The following BTBD9 variants were observed in gnomAD, a reference collection of about 807,000 sequenced individuals.
BTBD9 encodes the protein BTB domain containing 9.
BTBD9 carries 49 observed loss-of-function variants against 64.3 expected under a neutral mutation model. The observed-to-expected ratio is 0.76, with a 90% confidence interval of 0.61 to 0.97. The LOEUF is 0.97. Ranked by LOEUF, BTBD9 falls within the 50% of genes least tolerant of loss-of-function variation. The pLI is 0.00. For missense variants in BTBD9, 598 were observed against 762.1 expected (o/e 0.78, Z 2.53); for synonymous variants, 260 against 274.7 (o/e 0.95, Z 0.53).
intron 6 of BTBD9, among the ~76,000 whole-genome samples, chr6:38,446,745 G>C (rs1183379793): frequency 6.6e-6 from 1 of 152,134 alleles, no homozygotes; most frequent in Non-Finnish European, 1.5e-5. Context: ...GGAAATTAAG[G>C]CTTAAACAAG....
intron 6 of BTBD9, among the ~76,000 whole-genome samples, chr6:38,522,934 G>A (rs1024683245): frequency 1.6e-4 from 25 of 152,292 alleles, no homozygotes; most frequent in Non-Finnish European, 3.2e-4. Flanking sequence ...TGTAATCCCA[G>A]CACTTTGGGA....
chr6:38,383,243 C>T (rs1766012812), intron 6 of BTBD9, among the ~76,000 whole-genome samples: 1 of 152,150 alleles, frequency 6.6e-6, no homozygotes, highest in Admixed American at 6.5e-5. Flanking sequence ...CACACATTAA[C>T]TTTAAATGAG....
intron 6 of BTBD9, among the ~76,000 whole-genome samples, chr6:38,408,691 A>T (rs1053742817): frequency 6.6e-6 from 1 of 152,238 alleles, no homozygotes; most frequent in South Asian, 2.1e-4. Flanking sequence ...TGTAGAATCA[A>T]CAAAAAAAGA....
At chr6:38,178,310 G>A (rs1433491765) in intron 10 of BTBD9, among the ~76,000 whole-genome samples, 1 of 152,174 alleles carries the variant, frequency 6.6e-6, no homozygotes, top group Admixed American at 6.5e-5. Context: ...CAGGTGGGGA[G>A]GGAACAGCCT....
intron 6 of BTBD9, among the ~76,000 whole-genome samples, chr6:38,529,148 C>T (rs1773660030): frequency 1.3e-5 from 2 of 152,194 alleles, no homozygotes. Context: ...CATAGCCAGG[C>T]AGTGGTCACT....
At chr6:38,269,187 T>C (rs1765118326) in intron 8 of BTBD9, among the ~76,000 whole-genome samples, 1 of 152,134 alleles carries the variant, frequency 6.6e-6, no homozygotes, top group Admixed American at 6.5e-5. Flanking sequence ...AAAGAGAACA[T>C]TAATGAGAAA....
intron 7 of BTBD9, among the ~76,000 whole-genome samples, chr6:38,302,485 G>GTATGTGTGTGTGTGTGTATATA (rs1384155514): frequency 5.6e-5 from 6 of 106,906 alleles, no homozygotes; most frequent in African/African-American, 2.1e-4. Context: ...TTGTGTGTAT[G>GTATGTGTGTGTGTGTGTATATA]TATATATATA....
chr6:38,400,613 C>G (rs562190541), intron 6 of BTBD9, among the ~76,000 whole-genome samples: 1 of 152,074 alleles, frequency 6.6e-6, no homozygotes, highest in Admixed American at 6.5e-5. Flanking sequence ...TTCTTTTGCA[C>G]CCTTATCCTT....
intron 6 of BTBD9, among the ~76,000 whole-genome samples, chr6:38,425,185 A>C (rs1201644391): frequency 6.7e-6 from 1 of 149,546 alleles, no homozygotes; most frequent in African/African-American, 2.5e-5. Context: ...TGATCTCAGC[A>C]ACCTCCGCCT....
intron 9 of BTBD9, among the ~76,000 whole-genome samples, chr6:38,205,688 A>G (rs1762614764): frequency 6.6e-6 from 1 of 151,874 alleles, no homozygotes; most frequent in African/African-American, 2.4e-5. Flanking sequence ...GTTCGAGACC[A>G]GCCTGGCCAA....
At chr6:38,183,967 A>G (rs1396242966) in intron 10 of BTBD9, among the ~76,000 whole-genome samples, 1 of 152,180 alleles carries the variant, frequency 6.6e-6, no homozygotes, top group East Asian at 1.9e-4. Context: ...CTCTGCTCTC[A>G]AGAACTGCAG....
intron 6 of BTBD9, among the ~76,000 whole-genome samples, chr6:38,450,440 C>T (rs888660070): frequency 3.3e-5 from 5 of 152,098 alleles, no homozygotes; most frequent in Admixed American, 3.3e-4. Context: ...AAAATGATAA[C>T]TATGTGAGGT....
intron 6 of BTBD9, among the ~76,000 whole-genome samples, chr6:38,420,901 A>C (rs896914978): frequency 1.3e-5 from 2 of 152,194 alleles, no homozygotes; most frequent in South Asian, 2.1e-4. Flanking sequence ...TAAAACAATT[A>C]CATAAGAAAA....
At chr6:38,513,827 A>G (rs980406436) in intron 6 of BTBD9, among the ~76,000 whole-genome samples, 1 of 152,202 alleles carries the variant, frequency 6.6e-6, no homozygotes, top group African/African-American at 2.4e-5. Flanking sequence ...GTGTTCACTT[A>G]GATGATATTT....
intron 9 of BTBD9, among the ~76,000 whole-genome samples, chr6:38,219,022 G>A (rs544946917): frequency 6.6e-6 from 1 of 152,144 alleles, no homozygotes; most frequent in South Asian, 2.1e-4. Context: ...TCTTTGTATA[G>A]GGTCTAGCAA....
intron 7 of BTBD9, among the ~76,000 whole-genome samples, chr6:38,333,044 G>A (rs1466858472): frequency 6.6e-6 from 1 of 152,206 alleles, no homozygotes; most frequent in Non-Finnish European, 1.5e-5. Flanking sequence ...ATGGCATGAG[G>A]TAGGTCAGGG....
At chr6:38,310,863 T>G (rs1173599330) in intron 7 of BTBD9, among the ~76,000 whole-genome samples, 1 of 152,238 alleles carries the variant, frequency 6.6e-6, no homozygotes, top group African/African-American at 2.4e-5. Context: ...CAGGCTGGAG[T>G]GCAGTGGCGT....
chr6:38,530,376 C>A lies in BTBD9; in HGVS notation c.1154+47224G>T, dbSNP rs1313609146. Among the ~76,000 whole-genome samples, 10 of 152,232 alleles carry A rather than the reference C, an allele frequency of 6.6e-5. No homozygotes were observed. In the South Asian group the frequency reaches 1.9e-3, roughly 28 times the overall value. ...TAGTTCTGCTTTCTGCCCTTTGAAG[C>A]ATGTGATCTTTATACCTACTCCATG... On this transcript the variant is annotated intron_variant, in intron 6 of 10. Transcript: ENST00000481247.
At chr6:38,567,826 T>C (rs976734167) in intron 6 of BTBD9, among the ~76,000 whole-genome samples, 6 of 152,220 alleles carry the variant, frequency 3.9e-5, no homozygotes, top group African/African-American at 1.4e-4. Flanking sequence ...CAGTCTTCTT[T>C]AAACATATTT....
Sources: allele counts gnomAD v4.1 joint callset (sites outside exome capture counted in the v4.1 genomes callset), GRCh38; gene constraint gnomAD v4.1.1; transcripts MANE v1.5; gene names NCBI Gene and HGNC (gene_info 2026-07-23, HGNC 2026-07-21).